Variants in PIP4K2C observed in about 807,000 individuals in gnomAD.
PIP4K2C encodes the protein phosphatidylinositol-5-phosphate 4-kinase type 2 gamma.
A neutral mutation model predicts 45.0 loss-of-function variants in PIP4K2C; 21 were observed. The ratio of observed to expected loss-of-function variants is 0.47; its 90% CI spans 0.33 to 0.67. PIP4K2C has a LOEUF of 0.67. Ranked by LOEUF, PIP4K2C falls within the 30% of genes least tolerant of loss-of-function variation. PIP4K2C has a pLI of 0.02. For synonymous variants in PIP4K2C, 201 were observed against 204.8 expected, an observed-to-expected ratio of 0.98 and a Z score of 0.16; for missense variants, 456 against 542.8, an observed-to-expected ratio of 0.84 and a Z score of 1.59.
intron 1 of PIP4K2C, among the ~76,000 whole-genome samples, chr12:57,593,093 A>C (rs1273306278): frequency 6.6e-6 from 1 of 152,146 alleles, no homozygotes; most frequent in South Asian, 2.1e-4. Context: ...ACTGTGTGCC[A>C]AACATTGTGC....
At chr12:57,600,185 G>A (rs1883367679) in intron 6 of PIP4K2C, 139 bp from the exon 7 acceptor site, 1 of 513,252 alleles carries the variant, frequency 1.9e-6, no homozygotes, top group Non-Finnish European at 3.5e-6. Flanking sequence ...CACTGGAGGT[G>A]AGAACAGACC....
At chr12:57,595,287 A>C (rs1594937833) in intron 3 of PIP4K2C, 65 bp downstream of exon 3, 69 of 1,035,142 alleles carry the variant, frequency 6.7e-5, no homozygotes, top group African/African-American at 1.6e-5. Context: ...ACTATTTGGG[A>C]CAGCCATATT....
chr12:57,595,037 G>C, intron 2 of PIP4K2C, 89 bp from the exon 3 acceptor site: 1 of 791,398 alleles, frequency 1.3e-6, no homozygotes, highest in Non-Finnish European at 2.2e-6. Context: ...AATCAAATGA[G>C]GTAATATGTC....
intron 4 of PIP4K2C, chr12:57,597,847 C>G (rs1883257999): frequency 6.6e-6 from 1 of 152,062 alleles, no homozygotes. Context: ...TCAATAGGAT[C>G]AAGTGCCACA....
At chr12:57,596,152 T>C in intron 4 of PIP4K2C, 121 bp downstream of exon 4, 1 of 1,236,946 alleles carries the variant, frequency 8.1e-7, no homozygotes, top group Non-Finnish European at 1.1e-6. Context: ...TCCATAATCA[T>C]ATCCAGCCCT....
At position 57,601,864 on chromosome 12, in the gene PIP4K2C, T is replaced by C. The variant is rs930515636; in HGVS notation, c.*258T>C. Reference sequence around the variant, plus strand: ...GTCTGCTTGTAGTATTAGAATGTTATTGTTGACTCTCTCCCAAGTGCCTTG... The same window carrying C: ...GTCTGCTTGTAGTATTAGAATGTTACTGTTGACTCTCTCCCAAGTGCCTTG... On this transcript the variant is annotated 3_prime_UTR_variant, in exon 10 of 10. Coordinates refer to ENST00000354947, the MANE Select transcript of PIP4K2C (RefSeq NM_024779.5). The C allele has an allele frequency of 8.0e-6, 4 of 501,132 alleles. No individual in the cohort carries two copies. The highest frequency in any genetic ancestry group is 3.6e-5 in the East Asian group (1 of 27,856). The allele number at this position is 501,132 out of a possible 1,614,324, so 31.0% of individuals were successfully genotyped here.
chr12:57,601,060 G>A lies in PIP4K2C; in HGVS notation c.1063G>A (p.Ala355Thr), dbSNP rs760506508. The A allele has an allele frequency of 6.2e-7, 1 of 1,613,484 alleles. No homozygotes were observed. Reference protein sequence around the residue: ...GEFESFIDVYAIRSAEGAPQK... With the variant: ...GEFESFIDVYTIRSAEGAPQK... ...GTTTGAGTCCTTCATTGATGTCTAT[G>A]CCATCCGGAGTGCTGAAGGTGAGAG... The change falls in exon 8 of 10, where the codon GCC becomes ACC. Residue 355 changes from alanine to threonine, a missense_variant. This residue lies in a region of PIP4K2C where 421 missense variants were observed against 473.1 expected (regional missense o/e 0.89). Coordinates refer to ENST00000354947, the MANE Select transcript of PIP4K2C (RefSeq NM_024779.5).
chr12:57,600,687 G>A, intron 7 of PIP4K2C, 124 bp from the exon 8 acceptor site: 1 of 1,279,590 alleles, frequency 7.8e-7, no homozygotes, highest in Non-Finnish European at 1.1e-6. Flanking sequence ...GGTATGCCCT[G>A]CAACCTCAAT....
chr12:57,597,535 A>G (rs1009871896), intron 4 of PIP4K2C, among the ~76,000 whole-genome samples: 5 of 152,228 alleles, frequency 3.3e-5, no homozygotes, highest in Admixed American at 6.5e-5. Flanking sequence ...AATTCAGGAA[A>G]GAGGATTAGA....
At chr12:57,592,926 G>C (rs1302804049) in intron 1 of PIP4K2C, among the ~76,000 whole-genome samples, 1 of 150,938 alleles carries the variant, frequency 6.6e-6, no homozygotes, top group Non-Finnish European at 1.5e-5. Context: ...AATCTGGAGG[G>C]ATATGTTCTG....
intron 1 of PIP4K2C, among the ~76,000 whole-genome samples, chr12:57,593,204 C>T (rs750412829): frequency 3.9e-5 from 6 of 152,082 alleles, no homozygotes; most frequent in Non-Finnish European, 5.9e-5. Context: ...TGATTAGAGT[C>T]ATGCAGTAAC....
rs765980458 is a variant in PIP4K2C, at chr12:57,595,135, G to A, written c.282G>A (p.Leu94=). The part of the protein sequence containing the change: ...VNNHLFHREN[L]PSHFKFKEYC... ...AAAACCTGAATTTCAGGGAAAATCT[G>A]CCCAGTCATTTCAAGTTCAAGGAGT... is the stretch of plus-strand genomic sequence containing the variant. The change falls in exon 3 of 10, where the codon CTG becomes CTA. Residue 94 remains leucine (L), a synonymous_variant. Coordinates refer to ENST00000354947, the MANE Select transcript of PIP4K2C (RefSeq NM_024779.5). The A allele has an allele frequency of 3.1e-5, 49 of 1,602,772 alleles. No homozygotes were observed. The Admixed American group carries it at 8.2e-4, about 27-fold the overall frequency.
In PIP4K2C at chr12:57,601,625, C is replaced by CT; in HGVS notation, c.*20dup. 1 of 1,582,910 alleles carries CT rather than the reference C, an allele frequency of 6.3e-7. No individual in the cohort carries two copies. The highest frequency in any genetic ancestry group is 8.7e-7 in the Non-Finnish European group (1 of 1,151,596). ...TGCCTAAGAGACTGCCTGGTTCTCT[C>CT]TGATGTTCAAGGTGGTGGGGTTCTG... On this transcript the variant is annotated 3_prime_UTR_variant, in exon 10 of 10. Coordinates refer to ENST00000354947, the MANE Select transcript of PIP4K2C (RefSeq NM_024779.5).
Position 57,599,108 on chromosome 12 carries a change from T to G in PIP4K2C, c.557T>G (p.Leu186Arg). The G allele has an allele frequency of 1.1e-5, 17 of 1,614,170 alleles. No individual in the cohort carries two copies. Among genetic ancestry groups the G allele is most frequent in the Non-Finnish European group, 1.4e-5 (16 of 1,180,010 alleles). ...GGCAACACGCTTCTGCCCCAGTTCC[T>G]GGGGATGTACCGAGTCAGTGTGGAC... ...CHGNTLLPQF[L>R]GMYRVSVDNE... is the part of the protein sequence containing the mutation. The change falls in exon 5 of 10, where the codon CTG becomes CGG. Residue 186 changes from leucine (L) to arginine (R), a missense_variant. Around this residue, in one of 2 missense-constraint regions of PIP4K2C, gnomAD observed 421 missense variants for 473.1 expected, o/e 0.89. Transcript: ENST00000354947.
intron 4 of PIP4K2C, among the ~76,000 whole-genome samples, chr12:57,597,164 G>A (rs1326803921): frequency 6.6e-6 from 1 of 152,210 alleles, no homozygotes; most frequent in African/African-American, 2.4e-5. Flanking sequence ...TGATATATTT[G>A]TTATTTAGAA....
At chr12:57,597,023 G>A (rs75335160) in intron 4 of PIP4K2C, among the ~76,000 whole-genome samples, 2,195 of 152,300 alleles carry the variant, frequency 0.014, 24 homozygotes, top group East Asian at 0.051. Context: ...CTTGGTGTTA[G>A]AAAACAGCAA....
intron 4 of PIP4K2C, among the ~76,000 whole-genome samples, chr12:57,596,581 A>G (rs1376993083): frequency 2.0e-5 from 3 of 152,272 alleles, no homozygotes; most frequent in African/African-American, 4.8e-5. Flanking sequence ...GAACATCTCT[A>G]CTGAAGAAAA....
At position 57,601,873 on chromosome 12, in the gene PIP4K2C, C is replaced by G. The variant is rs545938149; in HGVS notation, c.*267C>G. 1.0e-5 allele frequency: 5 copies of G among 486,240 alleles called. No homozygotes were observed. Among genetic ancestry groups the G allele is most frequent in the South Asian group, 4.5e-5 (2 of 43,992 alleles). 30.1% of individuals were successfully genotyped at this position (486,240 alleles called of 1,614,324 possible). ...TAGTATTAGAATGTTATTGTTGACT[C>G]TCTCCCAAGTGCCTTGATCTTTGTA... On this transcript the variant is annotated 3_prime_UTR_variant, in exon 10 of 10. Transcript: ENST00000354947.
chr12:57,598,717 A>C (rs1007723118), intron 4 of PIP4K2C, among the ~76,000 whole-genome samples: 1 of 152,188 alleles, frequency 6.6e-6, no homozygotes, highest in Admixed American at 6.5e-5. Context: ...TTCATTGATA[A>C]GATATAAGTT....
Sources: allele counts gnomAD v4.1 joint callset (sites outside exome capture counted in the v4.1 genomes callset), GRCh38; gene constraint gnomAD v4.1.1; regional missense constraint gnomAD v4.1.1; transcripts MANE v1.5; gene names NCBI Gene and HGNC (gene_info 2026-07-23, HGNC 2026-07-21).